The following PRDM10 variants were observed in gnomAD, a reference collection of about 807,000 sequenced individuals.
The protein encoded by PRDM10 is PR domain zinc finger protein 10.
A neutral mutation model predicts 133.1 loss-of-function variants in PRDM10; 65 were observed. That is an observed-to-expected ratio of 0.49 (90% CI 0.40 to 0.60). The LOEUF (loss-of-function observed/expected upper bound fraction) is 0.60. PRDM10 is among the 20% of genes least tolerant of loss of function. The probability of loss-of-function intolerance (pLI) is 0.00; values close to 1 mark genes in which losing one functional copy is unlikely to be tolerated. For synonymous variants in PRDM10, 582 were observed against 580.4 expected (o/e 1.00, Z -0.04); for missense variants, 1,137 against 1,507.1 (o/e 0.75, Z 4.07).
At chr11:129,996,205 A>G (rs1316125151) in intron 1 of PRDM10, among the ~76,000 whole-genome samples, 1 of 152,232 alleles carries the variant, frequency 6.6e-6, no homozygotes, top group African/African-American at 2.4e-5. Flanking sequence ...TGTTACTGTT[A>G]TAAAGCAGTA....
chr11:129,902,625 G>A, intron 20 of PRDM10, 109 bp from the exon 21 acceptor site: 1 of 1,453,096 alleles, frequency 6.9e-7, no homozygotes, highest in Non-Finnish European at 9.1e-7. Flanking sequence ...CCCAAAATAG[G>A]CATCTATGAG....
In PRDM10 at chr11:129,923,245, TA is replaced by T; in HGVS notation, c.2034+2del. The T allele has an allele frequency of 3.2e-6, 5 of 1,574,456 alleles. No homozygotes were observed. Among genetic ancestry groups the T allele is most frequent in the Non-Finnish European group, 4.3e-6 (5 of 1,158,574 alleles). On this transcript the variant is annotated splice_donor_variant, in intron 13 of 20. Transcript: ENST00000360871. LOFTEE classifies it high-confidence loss of function. The surrounding 1 kb of genome is among the most constrained non-coding windows in gnomAD (Gnocchi z 4.4). Reference sequence around the variant, plus strand: ...CACCTTGGGCTGTGCCTTGGTGTCATACCTTAAATTGCTTCCCACAGGTGGA... The same window carrying T: ...CACCTTGGGCTGTGCCTTGGTGTCATCCTTAAATTGCTTCCCACAGGTGGA...
chr11:129,953,351 T>C (rs151090073), intron 4 of PRDM10, among the ~76,000 whole-genome samples: 1 of 152,182 alleles, frequency 6.6e-6, no homozygotes, highest in Non-Finnish European at 1.5e-5. Context: ...TGGAGTGCAG[T>C]GGTGTGATCT....
intron 6 of PRDM10, among the ~76,000 whole-genome samples, chr11:129,943,610 A>G (rs1282452035): frequency 6.6e-6 from 1 of 152,196 alleles, no homozygotes; most frequent in African/African-American, 2.4e-5. Flanking sequence ...CTGTAATCCT[A>G]GCACTTTGAG....
chr11:129,983,130 C>T (rs1352376374), intron 1 of PRDM10, among the ~76,000 whole-genome samples: 1 of 151,834 alleles, frequency 6.6e-6, no homozygotes, highest in African/African-American at 2.4e-5. Flanking sequence ...GTGCGCACCA[C>T]CACGCCCAGC....
intron 2 of PRDM10, among the ~76,000 whole-genome samples, chr11:129,959,461 G>C (rs1176431880): frequency 6.6e-6 from 1 of 152,090 alleles, no homozygotes; most frequent in Non-Finnish European, 1.5e-5. Context: ...TTTCTGCTTG[G>C]TCTTCATCAT....
rs113169112 is a variant in PRDM10, at chr11:129,910,533, TCTGCTG to T, written c.3100_3105del (p.Gln1034_Gln1035del). The T allele has an allele frequency of 9.2e-4, 1,484 of 1,612,476 alleles. 1 individual carries two copies. The highest frequency in any genetic ancestry group is 1.1e-3 in the Non-Finnish European group (1,266 of 1,179,070). The stretch of plus-strand genomic sequence containing the variant: ...AGGTACGTGTGCTGCACAGAGGAAT[TCTGCTG>T]CTGCTGCTGCTGCTGCTGCAGAGCC... On this transcript the variant is annotated inframe_deletion, in exon 19 of 21. Coordinates refer to ENST00000360871, the MANE Select transcript of PRDM10 (RefSeq NM_199437.2).
At chr11:129,934,347 T>C (rs1950962508) in intron 9 of PRDM10, among the ~76,000 whole-genome samples, 2 of 152,110 alleles carry the variant, frequency 1.3e-5, no homozygotes, top group Non-Finnish European at 2.9e-5. Context: ...CCAACTACCA[T>C]CTCACACATC....
intron 1 of PRDM10, among the ~76,000 whole-genome samples, chr11:130,001,222 A>C (rs1187866774): frequency 6.6e-6 from 1 of 152,184 alleles, no homozygotes; most frequent in Non-Finnish European, 1.5e-5. Flanking sequence ...TCTCTATTCT[A>C]GAACAACAAA....
intron 1 of PRDM10, among the ~76,000 whole-genome samples, chr11:129,975,901 C>G (rs1591683075): frequency 1.3e-5 from 2 of 152,208 alleles, no homozygotes; most frequent in East Asian, 3.8e-4. Context: ...CTATCAAACC[C>G]CAGTCTCACT....
At chr11:129,985,885 A>G (rs1465160637) in intron 1 of PRDM10, among the ~76,000 whole-genome samples, 1 of 147,600 alleles carries the variant, frequency 6.8e-6, no homozygotes, top group African/African-American at 2.5e-5. Context: ...CTTATAACCC[A>G]AGGTATAGAT....
rs776456367 is a variant in PRDM10 at position 129,957,893 on chromosome 11, G to C, written c.87C>G (p.Asp29Glu). ...AGACAATCTGAGCCACTGTTCCTGT[G>C]TCCGGAACAAAGTGCACCTGGCATA... The part of the protein sequence containing the change: ...QNAAQVHFVP[D>E]TGTVAQIVYT... The change falls in exon 3 of 21, where the codon GAC becomes GAG. Residue 29 changes from aspartate to glutamate, a missense_variant. Transcript: ENST00000360871. 2 of 1,612,454 alleles carry C rather than the reference G, an allele frequency of 1.2e-6. No homozygotes were observed. Among genetic ancestry groups the C allele is most frequent in the Non-Finnish European group, 1.7e-6 (2 of 1,179,194 alleles).
chr11:129,956,492 A>C (rs1466067650), intron 3 of PRDM10, among the ~76,000 whole-genome samples: 1 of 152,128 alleles, frequency 6.6e-6, no homozygotes, highest in African/African-American at 2.4e-5. Context: ...TGAACCCGGG[A>C]GGTAGAGGTT....
intron 7 of PRDM10, among the ~76,000 whole-genome samples, chr11:129,942,056 C>A (rs186070243): frequency 6.6e-6 from 1 of 152,232 alleles, no homozygotes; most frequent in East Asian, 1.9e-4. Flanking sequence ...CCACCATGCT[C>A]GGCTAATTTT....
Position 129,902,436 on chromosome 11 carries a change from C to T in PRDM10, c.3348G>A (p.Glu1116=), listed in dbSNP as rs1383847284. ...CCAGGGAGTCACTGTGTGCAGGTGG[C>T]TCGACCTGGACTCCACCAGAGAGGG... The part of the protein sequence containing the change: ...TSALSGGVQV[E]PPAHSDSLDP... The change falls in exon 21 of 21, where the codon GAG becomes GAA. Residue 1116 remains glutamate, a synonymous_variant. Transcript: ENST00000360871. 13 of 1,614,160 alleles carry T rather than the reference C, an allele frequency of 8.1e-6. No individual in the cohort carries two copies. The highest frequency in any genetic ancestry group is 9.3e-6 in the Non-Finnish European group (11 of 1,180,026).
Position 129,925,124 on chromosome 11 carries a change from G to A in PRDM10, c.1636C>T (p.Arg546Cys), listed in dbSNP as rs777711002. ...REKDKLDQHL[R>C]FHGREGNCPL... is the part of the protein sequence containing the mutation. Reference sequence around the variant, plus strand: ...CAGTTCCCCTCCCGCCCATGGAAGCGTAAGTGCTGGTCCAGTTTGTCCTTT... The same window carrying A: ...CAGTTCCCCTCCCGCCCATGGAAGCATAAGTGCTGGTCCAGTTTGTCCTTT... The change falls in exon 12 of 21, where the codon CGC becomes TGC. Residue 546 changes from arginine to cysteine, a missense_variant. Coordinates refer to ENST00000360871, the MANE Select transcript of PRDM10 (RefSeq NM_199437.2). The A allele has an allele frequency of 5.0e-5, 81 of 1,614,096 alleles. 1 individual carries two copies. The highest frequency in any genetic ancestry group is 2.0e-4 in the South Asian group (18 of 91,096).
At position 129,945,031 on chromosome 11, in the gene PRDM10, CT is replaced by C; in HGVS notation, c.521-20del. The C allele has an allele frequency of 6.2e-7, 1 of 1,607,510 alleles. No individual in the cohort carries two copies. Among genetic ancestry groups the C allele is most frequent in the Non-Finnish European group, 8.5e-7 (1 of 1,178,422 alleles). On this transcript the variant is annotated intron_variant, in intron 5 of 20. Coordinates refer to ENST00000360871, the MANE Select transcript of PRDM10 (RefSeq NM_199437.2). The surrounding 1 kb of genome is among the most constrained non-coding windows in gnomAD (Gnocchi z 4.2). ...TCACACCCTGCAAAAGAGAGACAGTCTTGAAGAAAAGTCCAATTCCTCAGTG... is the reference window on the plus strand; with the variant it reads ...TCACACCCTGCAAAAGAGAGACAGTCTGAAGAAAAGTCCAATTCCTCAGTG...
intron 1 of PRDM10, among the ~76,000 whole-genome samples, chr11:129,996,648 G>GAGGGGAAGGAGAGC (rs1240107901): frequency 6.6e-6 from 1 of 152,308 alleles, no homozygotes; most frequent in African/African-American, 2.4e-5. Context: ...ACTAGGAGAG[G>GAGGGGAAGGAGAGC]AGGGGAAGGA....
intron 1 of PRDM10, among the ~76,000 whole-genome samples, chr11:129,981,853 A>G (rs1373317703): frequency 6.6e-6 from 1 of 152,056 alleles, no homozygotes; most frequent in Non-Finnish European, 1.5e-5. Flanking sequence ...CCGAGATCGC[A>G]TTACTGCACT....
Sources: gnomAD v4.1 joint callset for allele counts (sites outside exome capture counted in the v4.1 genomes callset) on GRCh38, gnomAD v4.1.1 for gene constraint, Gnocchi (gnomAD v3.1) non-coding constraint, MANE v1.5 for transcripts, NCBI Gene and HGNC (gene_info 2026-07-23, HGNC 2026-07-21) for gene names.